The following UGT1A10 variants were observed in gnomAD, a reference collection of about 807,000 sequenced individuals.
UGT1A10 encodes UDP glucuronosyltransferase family 1 member A10.
Under a neutral mutation model 45.8 loss-of-function variants are expected in UGT1A10, and 49 were observed. The observed-to-expected ratio is 1.07, with a 90% CI of 0.85 to 1.36. The LOEUF (loss-of-function observed/expected upper bound fraction) is 1.36, where lower values mean the gene tolerates loss of function less well. UGT1A10 is among the 40% of genes most tolerant of loss of function. The pLI, the probability that UGT1A10 is intolerant of heterozygous loss-of-function variation, is 0.00. For missense variants in UGT1A10, 745 were observed against 668.6 expected (o/e 1.11, Z -1.26); for synonymous variants, 284 against 249.7 (o/e 1.14, Z -1.29).
chr2:233,637,134 GGA>G lies in UGT1A10; in HGVS notation c.618_619del (p.Arg206SerfsTer19). ...LGFSDAMTFK[E>X]RVWNHIVHLE... ...GGTTCTCAGATGCCATGACTTTCAA[GGA>G]GAGAGTATGGAACCACATCGTGCAC... is the stretch of plus-strand genomic sequence containing the variant. On this transcript the variant is annotated frameshift_variant, in exon 1 of 5. Transcript: ENST00000344644. LOFTEE classifies it high-confidence loss of function. 6.2e-7 allele frequency: 1 copy of G among 1,613,950 alleles called. No individual in the cohort carries two copies. The highest frequency in any genetic ancestry group is 8.5e-7 in the Non-Finnish European group (1 of 1,179,858).
In UGT1A10 at chr2:233,747,539, A is replaced by G; in HGVS notation, c.856-19495A>G. 4 of 1,604,572 alleles carry G rather than the reference A, an allele frequency of 2.5e-6. No individual in the cohort carries two copies. The South Asian group carries it at 3.3e-5, about 13-fold the overall frequency. ...TTGAAACAGAACATTTTCTGAAGAC[A>G]TTTTCTAAAAGTATGGCAATTTTGA... On this transcript the variant is annotated intron_variant, in intron 1 of 4. Transcript: ENST00000344644.
At chr2:233,718,152 T>C (rs2125658477) in intron 1 of UGT1A10, 1 of 215,796 alleles carries the variant, frequency 4.6e-6, no homozygotes, top group East Asian at 9.7e-5. Flanking sequence ...AATAAAGCCT[T>C]CCCAAGAATA....
At chr2:233,705,226 CT>C (rs1230917250) in intron 1 of UGT1A10, among the ~76,000 whole-genome samples, 3 of 151,792 alleles carry the variant, frequency 2.0e-5, no homozygotes, top group Non-Finnish European at 4.4e-5. Context: ...ATTATCAGTG[CT>C]TTTTTTCTGT....
intron 1 of UGT1A10, among the ~76,000 whole-genome samples, chr2:233,705,446 C>G (rs1313066011): frequency 6.6e-6 from 1 of 152,110 alleles, no homozygotes. Flanking sequence ...TTCAGAATTG[C>G]ACATATTTTT....
chr2:233,743,547 C>A (rs201114978), intron 1 of UGT1A10: 1 of 1,367,292 alleles, frequency 7.3e-7, no homozygotes, highest in South Asian at 1.1e-5. Flanking sequence ...TCTGACCCCC[C>A]CAAAATATTC....
intron 1 of UGT1A10, among the ~76,000 whole-genome samples, chr2:233,717,036 C>A (rs1178363504): frequency 1.3e-5 from 2 of 152,172 alleles, no homozygotes; most frequent in Non-Finnish European, 2.9e-5. Flanking sequence ...TTCCAAGATA[C>A]ATGGGCCTCC....
intron 1 of UGT1A10, among the ~76,000 whole-genome samples, chr2:233,704,300 A>G (rs2075779861): frequency 6.8e-6 from 1 of 146,016 alleles, no homozygotes; most frequent in Non-Finnish European, 1.5e-5. Flanking sequence ...CTAGTGCAAC[A>G]TGTAAAATCC....
At chr2:233,730,080 A>G (rs1159659352) in intron 1 of UGT1A10, 6 of 1,604,940 alleles carry the variant, frequency 3.7e-6, no homozygotes, top group Non-Finnish European at 5.1e-6. Context: ...TTCCATATTT[A>G]CTTATCTTTC....
intron 1 of UGT1A10, chr2:233,713,154 G>T (rs2076285126): frequency 6.2e-7 from 1 of 1,614,116 alleles, no homozygotes; most frequent in Non-Finnish European, 8.5e-7. Context: ...CCATGCGAGA[G>T]GCCACCAGGT....
chr2:233,771,421 G>A (rs2126061282), intron 4 of UGT1A10: 1 of 152,290 alleles, frequency 6.6e-6, no homozygotes, highest in Admixed American at 6.5e-5. Flanking sequence ...AGAATAAACA[G>A]AAATCCATTT....
chr2:233,648,627 ATT>A (rs56737893), intron 1 of UGT1A10, among the ~76,000 whole-genome samples: 8 of 150,464 alleles, frequency 5.3e-5, no homozygotes, highest in East Asian at 2.0e-4. Flanking sequence ...CGCCTGGCTA[ATT>A]TTTTTTTTGT....
intron 1 of UGT1A10, among the ~76,000 whole-genome samples, chr2:233,739,216 G>A (rs1265405440): frequency 6.6e-6 from 1 of 152,218 alleles, no homozygotes; most frequent in Admixed American, 6.5e-5. Context: ...CATGGATAGA[G>A]TCCTTATAGA....
At chr2:233,768,582 CTTTTTTTTTT>C (rs139595073) in intron 4 of UGT1A10, 143 bp downstream of exon 4, 137,204 of 1,033,644 alleles carry the variant, frequency 0.13, 3,227 homozygotes, top group African/African-American at 0.2. Flanking sequence ...TTTATTTCTT[CTTTTTTTTTT>C]TTTTTTTTTT....
Position 233,772,271 on chromosome 2 carries a change from G to A in UGT1A10, c.1305G>A (p.Glu435=). The A allele has an allele frequency of 6.2e-7, 1 of 1,614,244 alleles. No individual in the cohort carries two copies. Among genetic ancestry groups the A allele is most frequent in the Non-Finnish European group, 8.5e-7 (1 of 1,180,050 alleles). Residue 435 remains glutamate, a synonymous_variant, in exon 5 of 5, where the codon GAG becomes GAA. Transcript: ENST00000344644. The stretch of plus-strand genomic sequence containing the variant: ...CTGTCTTTGTGTTTAGTTACAAGGA[G>A]AACATCATGCGCCTCTCCAGCCTTC... ...KAVINDKSYK[E]NIMRLSSLHK...
chr2:233,754,833 T>C (rs1695605452), intron 1 of UGT1A10: 1 of 1,343,184 alleles, frequency 7.4e-7, no homozygotes, highest in African/African-American at 1.5e-5. Context: ...AGCTGGAAAT[T>C]CACTGAAGGC....
intron 1 of UGT1A10, chr2:233,743,560 C>A: frequency 7.3e-7 from 1 of 1,367,302 alleles, no homozygotes; most frequent in South Asian, 1.1e-5. Flanking sequence ...AAATATTCTC[C>A]AGCGGGTTTC....
At chr2:233,764,567 G>A (rs1310538826) in intron 1 of UGT1A10, among the ~76,000 whole-genome samples, 3 of 152,182 alleles carry the variant, frequency 2.0e-5, no homozygotes, top group Admixed American at 6.5e-5. Context: ...GCCTGGAGGA[G>A]AACTTAGACT....
In UGT1A10 at chr2:233,724,597, G is replaced by T. The variant is rs1338204935; in HGVS notation, c.856-42437G>T. The stretch of plus-strand genomic sequence containing the variant: ...CAGAGGCGCTCCCCACATCTCAGAC[G>T]ATGGGCGGCCGGGCAGAGACGCTCC... On this transcript the variant is annotated intron_variant, in intron 1 of 4. Coordinates refer to ENST00000344644, the MANE Select transcript of UGT1A10 (RefSeq NM_019075.4). Among the ~76,000 whole-genome samples the T allele has an allele frequency of 7.7e-3, 1,007 of 130,776 alleles. 47 individuals are homozygous for T. Among genetic ancestry groups the T allele is most frequent in the African/African-American group, 0.029 (930 of 32,516 alleles). 85.8% of individuals were successfully genotyped at this position (130,776 alleles called of 152,430 possible).
At chr2:233,641,839 T>C (rs1031597938) in intron 1 of UGT1A10, among the ~76,000 whole-genome samples, 3 of 152,196 alleles carry the variant, frequency 2.0e-5, no homozygotes, top group Non-Finnish European at 2.9e-5. Flanking sequence ...CACTCTCTCC[T>C]GGCCTGTAAG....
Sources: gnomAD v4.1 joint callset for allele counts (sites outside exome capture counted in the v4.1 genomes callset) on GRCh38, gnomAD v4.1.1 for gene constraint, MANE v1.5 for transcripts, NCBI Gene and HGNC (gene_info 2026-07-23, HGNC 2026-07-21) for gene names.